Variants in EPHA3 observed in about 807,000 individuals in gnomAD.
EPHA3 encodes ephrin type-A receptor 3.
EPHA3 carries 42 observed loss-of-function variants against 107.1 expected under a neutral mutation model. The observed-to-expected ratio is 0.39, with a 90% CI of 0.31 to 0.51. The LOEUF is 0.51. Ranked by LOEUF, EPHA3 falls within the 20% of genes least tolerant of loss-of-function variation. The pLI, the probability that EPHA3 is intolerant of heterozygous loss-of-function variation, is 0.78. For synonymous variants in EPHA3, 461 were observed against 424.8 expected, an observed-to-expected ratio of 1.09 and a Z score of -1.05; for missense variants, 1,183 against 1,211.2, an observed-to-expected ratio of 0.98 and a Z score of 0.35.
In EPHA3 at chr3:89,359,800, C is replaced by CACGTATATAT. The variant is rs1477759701; in HGVS notation, c.1306+17712_1306+17713insGTATATATAC. On this transcript the variant is annotated intron_variant, in intron 5 of 16. Transcript: ENST00000336596. ...ATATATACATATATATACATATATA[C>CACGTATATAT]ACATATATATACATATATATACATA... Among the ~76,000 whole-genome samples the CACGTATATAT allele has an allele frequency of 1.4e-5, 2 of 139,274 alleles. 1 individual carries two copies. Among genetic ancestry groups the CACGTATATAT allele is most frequent in the Non-Finnish European group, 3.0e-5 (2 of 65,678 alleles). 91.4% of individuals were successfully genotyped at this position (139,274 alleles called of 152,430 possible). A position where few individuals can be genotyped will look rare whatever the true frequency, so the allele number is the denominator to read the frequency against.
At chr3:89,279,827 G>T (rs530664628) in intron 3 of EPHA3, among the ~76,000 whole-genome samples, 2 of 152,166 alleles carry the variant, frequency 1.3e-5, no homozygotes, top group East Asian at 3.9e-4. Context: ...ATATCAAAGG[G>T]TTCAGTATTA....
chr3:89,375,768 A>G (rs888584701), intron 5 of EPHA3, among the ~76,000 whole-genome samples: 18 of 151,984 alleles, frequency 1.2e-4, no homozygotes, highest in African/African-American at 4.1e-4. Flanking sequence ...GGGATATTGT[A>G]CAGACACAAA....
chr3:89,358,701 A>G (rs1171203348), intron 5 of EPHA3, among the ~76,000 whole-genome samples: 3 of 151,260 alleles, frequency 2.0e-5, no homozygotes, highest in African/African-American at 4.8e-5. Flanking sequence ...GACATTAAGT[A>G]TAATAGTTTT....
chr3:89,322,731 C>T (rs1348101043), intron 3 of EPHA3, among the ~76,000 whole-genome samples: 2 of 152,012 alleles, frequency 1.3e-5, no homozygotes, highest in African/African-American at 4.8e-5. Flanking sequence ...TTCAATTACC[C>T]CTGAGGAGAT....
chr3:89,161,702 G>A (rs986874579), intron 2 of EPHA3, among the ~76,000 whole-genome samples: 3 of 151,876 alleles, frequency 2.0e-5, no homozygotes, highest in African/African-American at 7.3e-5. Context: ...CTTTGTCTAG[G>A]CACAGTGATT....
intron 3 of EPHA3, among the ~76,000 whole-genome samples, chr3:89,223,455 C>G (rs1704430284): frequency 6.6e-6 from 1 of 152,118 alleles, no homozygotes; most frequent in Admixed American, 6.6e-5. Context: ...GAAATTTAAA[C>G]ATTGTTCATA....
intron 3 of EPHA3, among the ~76,000 whole-genome samples, chr3:89,213,962 G>A (rs1704166479): frequency 1.3e-5 from 2 of 151,820 alleles, no homozygotes; most frequent in South Asian, 4.1e-4. Context: ...TAAAAAGTAT[G>A]GCACTGATAA....
chr3:89,348,415 A>G (rs1707725950), intron 5 of EPHA3, among the ~76,000 whole-genome samples: 1 of 108,770 alleles, frequency 9.2e-6, no homozygotes, highest in Non-Finnish European at 1.8e-5. Context: ...AGGTGTTTGT[A>G]GTATTCTCTG....
chr3:89,305,889 T>C (rs1327211438), intron 3 of EPHA3, among the ~76,000 whole-genome samples: 1 of 152,294 alleles, frequency 6.6e-6, no homozygotes, highest in East Asian at 1.9e-4. Context: ...AGCTTAAATA[T>C]CATACCGAAG....
At chr3:89,292,419 G>A (rs1176040333) in intron 3 of EPHA3, among the ~76,000 whole-genome samples, 1 of 152,104 alleles carries the variant, frequency 6.6e-6, no homozygotes, top group African/African-American at 2.4e-5. Context: ...TAAGGGACTG[G>A]ACATCCACGA....
chr3:89,382,178 T>C (rs1708521889), intron 5 of EPHA3, among the ~76,000 whole-genome samples: 2 of 152,098 alleles, frequency 1.3e-5, no homozygotes, highest in Non-Finnish European at 2.9e-5. Flanking sequence ...TCAGGTATGG[T>C]GCGGCCAACA....
intron 5 of EPHA3, among the ~76,000 whole-genome samples, chr3:89,380,929 C>A (rs1708490619): frequency 1.3e-5 from 2 of 151,890 alleles, no homozygotes; most frequent in Admixed American, 1.3e-4. Flanking sequence ...CCACCACTCC[C>A]GGCTAATAGT....
At chr3:89,153,681 C>T (rs1472972159) in intron 2 of EPHA3, among the ~76,000 whole-genome samples, 1 of 152,068 alleles carries the variant, frequency 6.6e-6, no homozygotes, top group Non-Finnish European at 1.5e-5. Flanking sequence ...CATCTTTTAC[C>T]TATTTTTTGT....
At chr3:89,121,898 T>C (rs1354907162) in intron 1 of EPHA3, among the ~76,000 whole-genome samples, 1 of 152,208 alleles carries the variant, frequency 6.6e-6, no homozygotes, top group Admixed American at 6.5e-5. Flanking sequence ...ATCTATCTTC[T>C]CTAAACTTCT....
intron 2 of EPHA3, 68 bp from the exon 3 acceptor site, chr3:89,209,792 C>T: frequency 3.8e-6 from 5 of 1,316,592 alleles, no homozygotes; most frequent in Non-Finnish European, 5.2e-6. Flanking sequence ...ATGGCTCTGA[C>T]ACCCTTATGT....
chr3:89,297,908 G>T (rs146882500), intron 3 of EPHA3, among the ~76,000 whole-genome samples: 54 of 152,186 alleles, frequency 3.5e-4, no homozygotes, highest in African/African-American at 1.2e-3. Context: ...GATGGTGCAT[G>T]CCTGTAATCC....
chr3:89,325,194 T>C (rs914293413), intron 3 of EPHA3, among the ~76,000 whole-genome samples: 1 of 152,214 alleles, frequency 6.6e-6, no homozygotes. Flanking sequence ...TGATTTATTT[T>C]ATACTCTCTT....
At chr3:89,114,085 G>A (rs1466736384) in intron 1 of EPHA3, among the ~76,000 whole-genome samples, 5 of 152,220 alleles carry the variant, frequency 3.3e-5, no homozygotes, top group Non-Finnish European at 7.3e-5. Context: ...TAATAGGTGA[G>A]GAAGGAGGAG....
At chr3:89,418,820 C>T (rs1223080160) in intron 10 of EPHA3, among the ~76,000 whole-genome samples, 7 of 151,308 alleles carry the variant, frequency 4.6e-5, no homozygotes, top group Non-Finnish European at 8.9e-5. Flanking sequence ...AAATTTAATC[C>T]AATGCTCACA....
Sources: allele counts gnomAD v4.1 joint callset (sites outside exome capture counted in the v4.1 genomes callset), GRCh38; gene constraint gnomAD v4.1.1; transcripts MANE v1.5; gene names NCBI Gene and HGNC (gene_info 2026-07-23, HGNC 2026-07-21).